Variants in MYO5A observed in about 807,000 individuals in gnomAD.
MYO5A encodes unconventional myosin-Va.
A neutral mutation model predicts 249.7 loss-of-function variants in MYO5A; 98 were observed. The ratio of observed to expected loss-of-function variants is 0.39; its 90% CI spans 0.33 to 0.46. The LOEUF is 0.46. MYO5A is among the 20% of genes least tolerant of loss of function. MYO5A has a pLI of 0.98. For missense variants in MYO5A, 1,696 were observed against 2,308.8 expected (o/e 0.73, Z 5.44); for synonymous variants, 778 against 810.6 (o/e 0.96, Z 0.68).
At chr15:52,405,496 G>T in intron 8 of MYO5A, 103 bp from the exon 9 acceptor site, 1 of 834,990 alleles carries the variant, frequency 1.2e-6, no homozygotes, top group South Asian at 1.4e-5. Context: ...AATATTGCCA[G>T]ATGTTGTGCA....
chr15:52,428,510 G>C lies in MYO5A; in HGVS notation c.198C>G (p.Asp66Glu). The C allele has an allele frequency of 6.2e-7, 1 of 1,614,128 alleles. No homozygotes were observed. The highest frequency in any genetic ancestry group is 1.1e-5 in the South Asian group (1 of 91,086). ...TGAGGTCATTTTCACCAACAAGTAT[G>C]TCAGGATTTCGTAAGTGAGGCAGCT... is the stretch of plus-strand genomic sequence containing the variant. ...TKELPHLRNP[D>E]ILVGENDLTA... The change falls in exon 3 of 42, where the codon GAC becomes GAG. Residue 66 changes from aspartate to glutamate, a missense_variant. Coordinates refer to ENST00000399233, the MANE Select transcript of MYO5A (RefSeq NM_001382347.1).
In MYO5A at chr15:52,397,482, G is replaced by A. The variant is rs376847273; in HGVS notation, c.1054-16C>T. 8 of 1,612,556 alleles carry A rather than the reference G, an allele frequency of 5.0e-6. No individual in the cohort carries two copies. The highest frequency in any genetic ancestry group is 6.8e-6 in the Non-Finnish European group (8 of 1,178,880). On this transcript the variant is annotated splice_polypyrimidine_tract_variant and intron_variant, in intron 9 of 41. Transcript: ENST00000399233. ...CATGCTTGGGCTGCCAAAAGATAAT[G>A]AGTTATTTCCTATGACCAGATAAAT...
In MYO5A at chr15:52,375,286, T is replaced by G. The variant is rs558235684; in HGVS notation, c.2577+18A>C. On this transcript the variant is annotated intron_variant, in intron 20 of 41. Transcript: ENST00000399233. ...ATGCTAATAGAATGAATAAACAAAG[T>G]TGAAAATAATGCCTCACCTTGCGAT... The G allele has an allele frequency of 6.1e-5, 99 of 1,613,680 alleles. No individual in the cohort carries two copies. The East Asian group carries it at 2.0e-3, about 33-fold the overall frequency.
chr15:52,404,449 T>A (rs2042908751), intron 9 of MYO5A, among the ~76,000 whole-genome samples: 1 of 152,042 alleles, frequency 6.6e-6, no homozygotes. Flanking sequence ...CACAAGAGGC[T>A]ATAGATCCAG....
intron 24 of MYO5A, among the ~76,000 whole-genome samples, chr15:52,363,293 C>T (rs745463805): frequency 6.6e-6 from 1 of 152,140 alleles, no homozygotes; most frequent in Non-Finnish European, 1.5e-5. Flanking sequence ...ATGGGACCAA[C>T]GGTAGCACGG....
chr15:52,420,806 G>T (rs975638637), intron 4 of MYO5A, among the ~76,000 whole-genome samples: 4 of 152,160 alleles, frequency 2.6e-5, no homozygotes, highest in Non-Finnish European at 5.9e-5. Context: ...CCATCTTAAC[G>T]TGAGGGAATA....
chr15:52,358,732 AC>A (rs1264255484), intron 25 of MYO5A, among the ~76,000 whole-genome samples: 1 of 152,170 alleles, frequency 6.6e-6, no homozygotes, highest in East Asian at 1.9e-4. Context: ...ACCACATGGA[AC>A]AGAAGAACTC....
chr15:52,505,294 G>T (rs2077245909), intron 1 of MYO5A: 6 of 776,762 alleles, frequency 7.7e-6, no homozygotes, highest in Non-Finnish European at 1.4e-5. Context: ...AGCAGATGTG[G>T]CAGTATTTGA....
In MYO5A at chr15:52,408,353, T is replaced by C. The variant is rs12899847; in HGVS notation, c.757-213A>G. ...ATGTGTGTGTTGCTCAAATTCAACATAAAGTATCGGATAGTAATGCTTTCT... is the reference window on the plus strand; with the variant it reads ...ATGTGTGTGTTGCTCAAATTCAACACAAAGTATCGGATAGTAATGCTTTCT... On this transcript the variant is annotated intron_variant, in intron 6 of 41. Coordinates refer to ENST00000399233, the MANE Select transcript of MYO5A (RefSeq NM_001382347.1). 0.18 allele frequency among the ~76,000 whole-genome samples: 28,029 copies of C among 152,100 alleles called. 4,169 individuals carry two copies. Among genetic ancestry groups the C allele is most frequent in the East Asian group, 0.49 (2,526 of 5,162 alleles).
At chr15:52,404,286 A>G (rs1329010877) in intron 9 of MYO5A, among the ~76,000 whole-genome samples, 1 of 151,834 alleles carries the variant, frequency 6.6e-6, no homozygotes, top group African/African-American at 2.4e-5. Flanking sequence ...AAAAAAAAAA[A>G]AAAAGTTATG....
intron 4 of MYO5A, among the ~76,000 whole-genome samples, chr15:52,423,870 T>C (rs879459892): frequency 7.9e-5 from 12 of 151,484 alleles, no homozygotes; most frequent in Non-Finnish European, 1.5e-4. Flanking sequence ...TAAAAAGCCA[T>C]AAATATTCAT....
At chr15:52,429,796 G>T (rs145412127) in intron 2 of MYO5A, among the ~76,000 whole-genome samples, 5 of 152,238 alleles carry the variant, frequency 3.3e-5, no homozygotes, top group Non-Finnish European at 7.4e-5. Context: ...TAGAGATGGG[G>T]GTCTCACTAT....
chr15:52,351,122 A>T lies in MYO5A; in HGVS notation c.3849+132T>A, dbSNP rs187589163. The T allele has an allele frequency of 1.7e-3, 1,418 of 816,112 alleles. 22 individuals are homozygous for T. The African/African-American group carries it at 0.022, about 13-fold the overall frequency. The allele number at this position is 816,112 out of a possible 1,614,324, so 50.6% of individuals were successfully genotyped here. ...TTTAAACAACACTGGGATTTTTTTA[A>T]AAAAATAATGAATCCTCAATTAGAT... On this transcript the variant is annotated intron_variant, in intron 28 of 41. Transcript: ENST00000399233.
At chr15:52,313,915 TA>T in intron 41 of MYO5A, 67 bp from the exon 42 acceptor site, 2 of 1,566,312 alleles carry the variant, frequency 1.3e-6, no homozygotes, top group Non-Finnish European at 1.8e-6. Flanking sequence ...TTTTTTCTAC[TA>T]AAATTTCTAC....
chr15:52,413,876 A>G (rs1295019695), intron 5 of MYO5A, among the ~76,000 whole-genome samples: 1 of 152,188 alleles, frequency 6.6e-6, no homozygotes, highest in Non-Finnish European at 1.5e-5. Flanking sequence ...TGATCCCTTT[A>G]TCTTTTATGT....
At chr15:52,477,037 A>G (rs1417659892) in intron 1 of MYO5A, among the ~76,000 whole-genome samples, 1 of 152,202 alleles carries the variant, frequency 6.6e-6, no homozygotes, top group Non-Finnish European at 1.5e-5. Context: ...CGCCAATCAG[A>G]TGTAGATTTG....
Position 52,418,156 on chromosome 15 carries a change from C to T in MYO5A, c.456-1855G>A, listed in dbSNP as rs192271354. Among the ~76,000 whole-genome samples the T allele has an allele frequency of 1.3e-4, 20 of 152,254 alleles. No homozygotes were observed. The East Asian group carries it at 3.7e-3, about 28-fold the overall frequency. ...AGTTTGGAAAGAGCAGATAACTCAG[C>T]TTAGCTGGAAAATGGAGTAATGACA... On this transcript the variant is annotated intron_variant, in intron 4 of 41. Coordinates refer to ENST00000399233, the MANE Select transcript of MYO5A (RefSeq NM_001382347.1).
Position 52,351,120 on chromosome 15 carries a change from T to A in MYO5A, c.3849+134A>T, listed in dbSNP as rs183158048. 829 of 809,018 alleles carry A rather than the reference T, an allele frequency of 1.0e-3. 4 individuals are homozygous for A. The highest frequency in any genetic ancestry group is 8.7e-3 in the African/African-American group (512 of 58,686). The allele number at this position is 809,018 out of a possible 1,614,324, so 50.1% of individuals were successfully genotyped here. A position where few individuals can be genotyped will look rare whatever the true frequency, so the allele number is the denominator to read the frequency against. ...GTTTTAAACAACACTGGGATTTTTT[T>A]AAAAAAATAATGAATCCTCAATTAG... On this transcript the variant is annotated intron_variant, in intron 28 of 41. Transcript: ENST00000399233.
At chr15:52,350,643 C>T (rs188162783) in intron 28 of MYO5A, among the ~76,000 whole-genome samples, 1 of 152,272 alleles carries the variant, frequency 6.6e-6, no homozygotes, top group East Asian at 1.9e-4. Flanking sequence ...GCCCATCTCT[C>T]TTCAGCATAC....
Sources: gnomAD v4.1 joint callset for allele counts (sites outside exome capture counted in the v4.1 genomes callset) on GRCh38, gnomAD v4.1.1 for gene constraint, MANE v1.5 for transcripts, NCBI Gene and HGNC (gene_info 2026-07-23, HGNC 2026-07-21) for gene names.